EPC2: variants seen among roughly 807,000 people sequenced by gnomAD.
EPC2 encodes the protein enhancer of polycomb homolog 2.
A neutral mutation model predicts 92.1 loss-of-function variants in EPC2; 14 were observed. The ratio of observed to expected loss-of-function variants is 0.15; its 90% CI spans 0.10 to 0.24. EPC2 has a LOEUF of 0.24. EPC2 is among the 10% of genes least tolerant of loss of function. The pLI, the probability that EPC2 is intolerant of heterozygous loss-of-function variation, is 1.00. For synonymous variants in EPC2, 340 were observed against 334.7 expected, an observed-to-expected ratio of 1.02 and a Z score of -0.17; for missense variants, 755 against 971.5, an observed-to-expected ratio of 0.78 and a Z score of 2.96.
intron 10 of EPC2, among the ~76,000 whole-genome samples, chr2:148,777,445 T>G (rs1683668232): frequency 6.6e-6 from 1 of 152,148 alleles, no homozygotes; most frequent in African/African-American, 2.4e-5. Context: ...AATCCTGTGT[T>G]CCTACTCTGT....
At chr2:148,656,065 G>A (rs973877812) in intron 1 of EPC2, among the ~76,000 whole-genome samples, 2 of 140,040 alleles carry the variant, frequency 1.4e-5, no homozygotes, top group South Asian at 2.5e-4. Context: ...CTAGACAAAG[G>A]CTTTTTTACT....
intron 2 of EPC2, among the ~76,000 whole-genome samples, chr2:148,724,750 AT>A (rs1186711769): frequency 6.6e-6 from 1 of 152,028 alleles, no homozygotes; most frequent in East Asian, 1.9e-4. Context: ...TTTCTAGTGA[AT>A]TTTTAGTCAT....
At chr2:148,727,405 T>TC (rs1682521072) in intron 2 of EPC2, among the ~76,000 whole-genome samples, 1 of 152,228 alleles carries the variant, frequency 6.6e-6, no homozygotes, top group Admixed American at 6.5e-5. Context: ...TGAGTTTATA[T>TC]CTTTGTCCAT....
chr2:148,690,136 CAA>C lies in EPC2; in HGVS notation c.154-76_154-75del, dbSNP rs1018347993. On this transcript the variant is annotated intron_variant, in intron 1 of 13. Coordinates refer to ENST00000258484, the MANE Select transcript of EPC2 (RefSeq NM_015630.4). ...CTTAAAGCACTTTGTGATTATTAAA[CAA>C]AGTAACTTTTATATAAAATTATGCA... The C allele has an allele frequency of 2.0e-5, 27 of 1,351,656 alleles. 1 individual carries two copies. The African/African-American group carries it at 2.4e-4, about 12-fold the overall frequency. 83.7% of individuals were successfully genotyped at this position (1,351,656 alleles called of 1,614,324 possible). A position where few individuals can be genotyped will look rare whatever the true frequency, so the allele number is the denominator to read the frequency against.
intron 1 of EPC2, among the ~76,000 whole-genome samples, chr2:148,661,902 T>TA (rs1359515474): frequency 1.3e-5 from 2 of 152,194 alleles, no homozygotes; most frequent in Non-Finnish European, 2.9e-5. Flanking sequence ...AATGAGGTGT[T>TA]ACTCTTTTCA....
chr2:148,734,910 GT>G (rs111358826), intron 2 of EPC2, among the ~76,000 whole-genome samples: 42 of 144,040 alleles, frequency 2.9e-4, no homozygotes, highest in African/African-American at 8.6e-4. Flanking sequence ...ATGTTCTACA[GT>G]TTTTTTTTTA....
chr2:148,740,208 AG>A (rs1274393605), intron 2 of EPC2, among the ~76,000 whole-genome samples: 1 of 150,526 alleles, frequency 6.6e-6, no homozygotes, highest in Non-Finnish European at 1.5e-5. Flanking sequence ...ATTTTTATTC[AG>A]TAGCTTTTAG....
chr2:148,653,939 CT>C (rs1237750112), intron 1 of EPC2, among the ~76,000 whole-genome samples: 63 of 142,248 alleles, frequency 4.4e-4, no homozygotes, highest in South Asian at 1.4e-3. Flanking sequence ...TTAAAGATTA[CT>C]TTTTTTTTTG....
At chr2:148,746,012 T>A (rs957514785) in intron 3 of EPC2, among the ~76,000 whole-genome samples, 19 of 152,164 alleles carry the variant, frequency 1.2e-4, no homozygotes, top group South Asian at 1.2e-3. Flanking sequence ...CACCTTTTTT[T>A]AAAAAATAAA....
At chr2:148,712,295 G>A (rs906297128) in intron 2 of EPC2, among the ~76,000 whole-genome samples, 10 of 151,594 alleles carry the variant, frequency 6.6e-5, no homozygotes, top group African/African-American at 1.5e-4. Flanking sequence ...TACATTTACC[G>A]TTAATCCAAG....
At chr2:148,678,513 G>A (rs1224611080) in intron 1 of EPC2, among the ~76,000 whole-genome samples, 1 of 152,252 alleles carries the variant, frequency 6.6e-6, no homozygotes, top group Non-Finnish European at 1.5e-5. Flanking sequence ...GGAGGCTTAG[G>A]CATGGCGGGC....
At chr2:148,707,981 A>C (rs949027657) in intron 2 of EPC2, among the ~76,000 whole-genome samples, 3 of 152,108 alleles carry the variant, frequency 2.0e-5, no homozygotes, top group Admixed American at 6.5e-5. Flanking sequence ...AGCAGAAGGC[A>C]AGAAATAACT....
intron 1 of EPC2, among the ~76,000 whole-genome samples, chr2:148,681,074 A>G (rs1418826123): frequency 1.3e-5 from 2 of 152,218 alleles, no homozygotes; most frequent in Admixed American, 1.3e-4. Flanking sequence ...TAGAAGCTCC[A>G]TGAGCTTATG....
At chr2:148,655,789 G>T (rs1037845024) in intron 1 of EPC2, among the ~76,000 whole-genome samples, 1 of 152,118 alleles carries the variant, frequency 6.6e-6, no homozygotes, top group African/African-American at 2.4e-5. Flanking sequence ...ACAGGCTGCA[G>T]ATTTTATTCC....
intron 11 of EPC2, among the ~76,000 whole-genome samples, chr2:148,782,078 A>ACT (rs1284790991): frequency 6.6e-6 from 1 of 151,966 alleles, no homozygotes; most frequent in African/African-American, 2.4e-5. Flanking sequence ...CTCCACCTCC[A>ACT]CTCCCCCAAA....
chr2:148,739,358 C>T (rs6731554), intron 2 of EPC2, among the ~76,000 whole-genome samples: 141,265 of 152,136 alleles, frequency 0.93, 66,501 homozygotes, highest in East Asian at 1. Flanking sequence ...CCCCCTTTAA[C>T]CTGAAAATAT....
intron 1 of EPC2, among the ~76,000 whole-genome samples, chr2:148,672,911 T>C (rs1243477692): frequency 6.6e-6 from 1 of 152,192 alleles, no homozygotes; most frequent in Admixed American, 6.5e-5. Context: ...TTTTTACTTA[T>C]CTGGGAGGTT....
At chr2:148,658,607 G>GTATATATATATATA (rs3076616) in intron 1 of EPC2, among the ~76,000 whole-genome samples, 89 of 141,262 alleles carry the variant, frequency 6.3e-4, no homozygotes, top group East Asian at 6.1e-3. Flanking sequence ...GTGTGTGTGT[G>GTATATATATATATA]TATATATATA....
intron 2 of EPC2, among the ~76,000 whole-genome samples, chr2:148,709,997 G>T (rs937564322): frequency 1.3e-5 from 2 of 151,540 alleles, no homozygotes; most frequent in Non-Finnish European, 3.0e-5. Flanking sequence ...ATTGACAAAT[G>T]GGATCTAATT....
Sources: gnomAD v4.1 joint callset for allele counts (sites outside exome capture counted in the v4.1 genomes callset) on GRCh38, gnomAD v4.1.1 for gene constraint, MANE v1.5 for transcripts, NCBI Gene and HGNC (gene_info 2026-07-23, HGNC 2026-07-21) for gene names.